PCDH11X: variants seen among roughly 807,000 people sequenced by gnomAD.
PCDH11X encodes protocadherin-11 X-linked.
In PCDH11X, 18 loss-of-function variants were observed where a neutral mutation model predicts 53.3. That is an observed-to-expected ratio of 0.34 (90% confidence interval 0.23 to 0.50). The LOEUF is 0.50. Among genes scored for constraint, PCDH11X ranks in the 20% least tolerant of loss-of-function variants. PCDH11X has a pLI of 0.98. For synonymous variants in PCDH11X, 279 were observed against 393.3 expected (o/e 0.71, Z 3.44); for missense variants, 570 against 1,032.4 (o/e 0.55, Z 6.14).
At chrX:92,143,637 A>G (rs1196231743) in intron 6 of PCDH11X, among the ~76,000 whole-genome samples, 3 of 112,636 alleles carry the variant, frequency 2.7e-5, no homozygotes, top group Non-Finnish European at 3.7e-5. Flanking sequence ...TTGGATGCCC[A>G]GGCAAAAGTA....
intron 6 of PCDH11X, among the ~76,000 whole-genome samples, chrX:92,118,738 T>C (rs1369549818): frequency 3.1e-5 from 2 of 64,988 alleles, no homozygotes; most frequent in East Asian, 2.5e-3. Context: ...AGTCTTTTTT[T>C]TTTTTTTTTT....
At chrX:91,948,805 G>C (rs1199644731) in intron 6 of PCDH11X, among the ~76,000 whole-genome samples, 3 of 110,168 alleles carry the variant, frequency 2.7e-5, no homozygotes, top group African/African-American at 9.9e-5. Flanking sequence ...ATATTACTAA[G>C]AGGAAACATC....
intron 6 of PCDH11X, among the ~76,000 whole-genome samples, chrX:92,134,815 G>C (rs1435373297): frequency 9.0e-6 from 1 of 111,368 alleles, no homozygotes; most frequent in African/African-American, 3.3e-5. Context: ...AGGACAACCA[G>C]AGGTCACTCT....
intron 6 of PCDH11X, among the ~76,000 whole-genome samples, chrX:92,042,410 G>A (rs2063221923): frequency 1.0e-5 from 1 of 100,032 alleles, no homozygotes; most frequent in African/African-American, 3.8e-5. Flanking sequence ...CATATTATAT[G>A]GCTCAGATTA....
intron 6 of PCDH11X, among the ~76,000 whole-genome samples, chrX:92,043,851 T>C (rs1176443410): frequency 1.8e-5 from 2 of 111,176 alleles, no homozygotes; most frequent in Non-Finnish European, 3.8e-5. Flanking sequence ...GCAGCATTAA[T>C]GTATTAATTA....
chrX:92,531,261 C>A (rs2074549207), intron 10 of PCDH11X, among the ~76,000 whole-genome samples: 1 of 111,356 alleles, frequency 9.0e-6, no homozygotes, highest in Non-Finnish European at 1.9e-5. Flanking sequence ...TACATAGGTA[C>A]TATCAAAATT....
intron 10 of PCDH11X, among the ~76,000 whole-genome samples, chrX:92,573,590 C>T (rs1027254209): frequency 6.8e-4 from 75 of 110,031 alleles, no homozygotes; most frequent in African/African-American, 2.3e-3. Flanking sequence ...GCTATTTTAA[C>T]CAAAAATCTT....
At chrX:91,787,772 G>A (rs1395078563) in intron 1 of PCDH11X, among the ~76,000 whole-genome samples, 6 of 109,007 alleles carry the variant, frequency 5.5e-5, no homozygotes, top group Admixed American at 9.8e-5. Flanking sequence ...GTTAAGGGTG[G>A]CCCTTAAAGA....
chrX:92,525,977 C>T (rs912630266), intron 10 of PCDH11X, among the ~76,000 whole-genome samples: 1 of 111,363 alleles, frequency 9.0e-6, no homozygotes, highest in Admixed American at 9.6e-5. Context: ...GAATTCAGTA[C>T]TTGGGCTCCA....
At chrX:92,591,992 G>T (rs1471610732) in intron 10 of PCDH11X, among the ~76,000 whole-genome samples, 1 of 100,838 alleles carries the variant, frequency 9.9e-6, no homozygotes, top group Non-Finnish European at 2.0e-5. Flanking sequence ...GAATTGAGTC[G>T]CTATTGGAAC....
intron 9 of PCDH11X, among the ~76,000 whole-genome samples, chrX:92,395,093 A>G (rs1026578686): frequency 2.7e-5 from 3 of 111,167 alleles, no homozygotes; most frequent in African/African-American, 9.8e-5. Flanking sequence ...AATCTTAGAA[A>G]TTGTTTTCCC....
intron 6 of PCDH11X, among the ~76,000 whole-genome samples, chrX:92,195,126 A>C (rs1203571596): frequency 9.0e-6 from 1 of 111,292 alleles, no homozygotes; most frequent in African/African-American, 3.3e-5. Flanking sequence ...ACAACCATTA[A>C]AACTCTTAAA....
At chrX:92,129,153 G>C (rs956889569) in intron 6 of PCDH11X, among the ~76,000 whole-genome samples, 2 of 110,632 alleles carry the variant, frequency 1.8e-5, no homozygotes, top group African/African-American at 6.6e-5. Flanking sequence ...AGCACTTTGG[G>C]AGGCCGAGGC....
chrX:91,994,779 C>A (rs1350408193), intron 6 of PCDH11X, among the ~76,000 whole-genome samples: 4 of 111,209 alleles, frequency 3.6e-5, no homozygotes, highest in Admixed American at 2.9e-4. Flanking sequence ...TACAAGGGTT[C>A]CCTATTCCCC....
intron 6 of PCDH11X, among the ~76,000 whole-genome samples, chrX:91,910,246 T>C (rs905792485): frequency 1.0e-4 from 11 of 106,296 alleles, no homozygotes; most frequent in Non-Finnish European, 9.7e-5. Flanking sequence ...AATTTTTCTT[T>C]ACCTGAAGCA....
At chrX:92,429,871 C>T (rs1268694784) in intron 9 of PCDH11X, among the ~76,000 whole-genome samples, 3 of 99,881 alleles carry the variant, frequency 3.0e-5, no homozygotes, top group Non-Finnish European at 6.2e-5. Context: ...CTTAAAACTT[C>T]TAGTATGTTG....
intron 8 of PCDH11X, among the ~76,000 whole-genome samples, chrX:92,276,722 A>G (rs981030346): frequency 9.0e-6 from 1 of 111,645 alleles, no homozygotes; most frequent in Admixed American, 9.5e-5. Flanking sequence ...CCAGATTCTA[A>G]TTTTTGGAGT....
At chrX:92,328,015 G>C (rs937273294) in intron 8 of PCDH11X, among the ~76,000 whole-genome samples, 2 of 105,903 alleles carry the variant, frequency 1.9e-5, no homozygotes, top group Non-Finnish European at 3.9e-5. Context: ...TGAAGATTAA[G>C]TGTCAGGGAG....
intron 10 of PCDH11X, among the ~76,000 whole-genome samples, chrX:92,543,823 A>G (rs1279413078): frequency 9.1e-6 from 1 of 109,847 alleles, no homozygotes; most frequent in Non-Finnish European, 1.9e-5. Context: ...AGAATAACAG[A>G]AGGAAATACT....
Sources: allele counts gnomAD v4.1 joint callset (sites outside exome capture counted in the v4.1 genomes callset), GRCh38; gene constraint gnomAD v4.1.1; transcripts MANE v1.5; gene names NCBI Gene and HGNC (gene_info 2026-07-23, HGNC 2026-07-21).